PYHIN1: variants seen among roughly 807,000 people sequenced by gnomAD.
PYHIN1 encodes pyrin and HIN domain family member 1, also known as pyrin and HIN domain-containing protein 1.
In PYHIN1, 32 loss-of-function variants were observed where a neutral mutation model predicts 43.7. That is an observed-to-expected ratio of 0.73 (90% CI 0.55 to 0.98). PYHIN1 has a LOEUF of 0.98. PYHIN1 is among the 50% of genes least tolerant of loss of function. The pLI is 0.00. For synonymous variants in PYHIN1, 205 were observed against 203.1 expected, an observed-to-expected ratio of 1.01 and a Z score of -0.08; for missense variants, 588 against 589.5, an observed-to-expected ratio of 1.00 and a Z score of 0.03.
At chr1:158,934,652 C>T (rs1273987433) in intron 1 of PYHIN1, among the ~76,000 whole-genome samples, 1 of 152,144 alleles carries the variant, frequency 6.6e-6, no homozygotes, top group African/African-American at 2.4e-5. Context: ...TTAACAGCCC[C>T]AGGAATTTAA....
At chr1:158,944,726 T>C in intron 6 of PYHIN1, 149 bp from the exon 7 acceptor site, 1 of 486,748 alleles carries the variant, frequency 2.1e-6, no homozygotes, top group Non-Finnish European at 3.4e-6. Flanking sequence ...ATATTGGCAG[T>C]TGCCTGGAGG....
At chr1:158,945,285 C>T in intron 7 of PYHIN1, 1 of 320,098 alleles carries the variant, frequency 3.1e-6, no homozygotes, top group East Asian at 5.0e-5. Context: ...TTGTCTTGCT[C>T]CACCTATGGG....
chr1:158,982,045 T>G (rs1177794904), downstream of PYHIN1, among the ~76,000 whole-genome samples: 4 of 152,208 alleles, frequency 2.6e-5, no homozygotes, highest in Non-Finnish European at 4.4e-5. Context: ...TAGACCTTTC[T>G]CAGAAATCAT....
chr1:158,990,150 C>G, the PYHIN1 span, among the ~76,000 whole-genome samples: 1 of 149,368 alleles, frequency 6.7e-6, no homozygotes, highest in Admixed American at 6.6e-5. Flanking sequence ...CACGCTGAGA[C>G]AGAAGAGGAT....
downstream of PYHIN1, among the ~76,000 whole-genome samples, chr1:158,981,340 A>T (rs1365106345): frequency 6.6e-6 from 1 of 152,140 alleles, no homozygotes; most frequent in East Asian, 1.9e-4. Context: ...TTGTGGTGGC[A>T]GGCACCTGTA....
At chr1:158,940,969 G>A (rs1393447271) in intron 4 of PYHIN1, among the ~76,000 whole-genome samples, 1 of 152,144 alleles carries the variant, frequency 6.6e-6, no homozygotes, top group Non-Finnish European at 1.5e-5. Context: ...GTGGCTCCTT[G>A]TGATGTTGCA....
intron 4 of PYHIN1, 111 bp from the exon 5 acceptor site, chr1:158,941,866 C>A: frequency 1.0e-6 from 1 of 963,728 alleles, no homozygotes; most frequent in Non-Finnish European, 1.5e-6. Context: ...CCCAGCTCTA[C>A]ACATCTACAA....
the PYHIN1 span, among the ~76,000 whole-genome samples, chr1:158,983,160 C>A: frequency 1.3e-5 from 2 of 151,888 alleles, no homozygotes; most frequent in African/African-American, 2.4e-5. Flanking sequence ...ACTGCTCTGG[C>A]TAGAACTTCC....
rs1648323182 is a variant in PYHIN1, at chr1:158,933,834, C to G, written c.-21+2058C>G. 6.6e-6 allele frequency among the ~76,000 whole-genome samples: 1 copy of G among 151,960 alleles called. No homozygotes were observed. Among genetic ancestry groups the G allele is most frequent in the African/African-American group, 2.4e-5 (1 of 41,394 alleles). On this transcript the variant is annotated intron_variant, in intron 1 of 8. Transcript: ENST00000368140. This position sits in a 1 kb window ranked among gnomAD's most constrained non-coding sequence, Gnocchi z 6.3. Reference sequence around the variant, plus strand: ...TTTGATCAGGGCTTTCTTTTTAAGTCATAGGCACACATAATCAAGTTCGTT... The same window carrying G: ...TTTGATCAGGGCTTTCTTTTTAAGTGATAGGCACACATAATCAAGTTCGTT...
the PYHIN1 span, among the ~76,000 whole-genome samples, chr1:158,986,844 C>A: frequency 6.6e-6 from 1 of 152,186 alleles, no homozygotes; most frequent in African/African-American, 2.4e-5. Flanking sequence ...TCTCTTGGCA[C>A]TTTTAGCCAG....
chr1:158,953,151 G>A (rs969585210), intron 7 of PYHIN1, among the ~76,000 whole-genome samples: 4 of 151,828 alleles, frequency 2.6e-5, no homozygotes, highest in African/African-American at 9.7e-5. Context: ...AGATCAAACT[G>A]CAAGGCAGCA....
the PYHIN1 span, among the ~76,000 whole-genome samples, chr1:158,986,140 C>T: frequency 3.9e-4 from 60 of 152,192 alleles, no homozygotes; most frequent in East Asian, 0.011. Context: ...CTAGACTTTG[C>T]TGGGTAGGTA....
At chr1:158,949,459 G>A (rs866728077) in intron 7 of PYHIN1, among the ~76,000 whole-genome samples, 11 of 151,990 alleles carry the variant, frequency 7.2e-5, no homozygotes, top group African/African-American at 1.7e-4. Context: ...GTATACATGC[G>A]CCATGCTGGT....
At chr1:158,958,079 T>G (rs1257208262) in intron 7 of PYHIN1, among the ~76,000 whole-genome samples, 1 of 152,178 alleles carries the variant, frequency 6.6e-6, no homozygotes, top group African/African-American at 2.4e-5. Flanking sequence ...CCAGTTAGAA[T>G]GGCAATCATC....
intron 7 of PYHIN1, among the ~76,000 whole-genome samples, chr1:158,951,791 A>C (rs1649544642): frequency 6.6e-6 from 1 of 152,116 alleles, no homozygotes; most frequent in South Asian, 2.1e-4. Flanking sequence ...GTTTGCTCTT[A>C]ATTGCTCCTT....
chr1:158,988,674 C>A, the PYHIN1 span, among the ~76,000 whole-genome samples: 1 of 152,104 alleles, frequency 6.6e-6, no homozygotes, highest in African/African-American at 2.4e-5. Context: ...AACTTGGATA[C>A]TTAGCTGAGG....
At chr1:158,966,274 C>A (rs1245231405) in intron 7 of PYHIN1, among the ~76,000 whole-genome samples, 1 of 152,102 alleles carries the variant, frequency 6.6e-6, no homozygotes, top group African/African-American at 2.4e-5. Context: ...CAGATGGATT[C>A]ACAGCCAAAT....
chr1:158,970,078 C>T (rs142424901), intron 7 of PYHIN1, among the ~76,000 whole-genome samples: 34 of 151,664 alleles, frequency 2.2e-4, no homozygotes, highest in Non-Finnish European at 4.4e-4. Context: ...ATCTAAACCC[C>T]GAAGAAGACA....
At chr1:158,989,445 G>A in the PYHIN1 span, among the ~76,000 whole-genome samples, 15 of 152,220 alleles carry the variant, frequency 9.9e-5, no homozygotes, top group East Asian at 3.9e-4. Context: ...TTTGGAAATA[G>A]GTTCATTACT....
Sources: allele counts gnomAD v4.1 joint callset (sites outside exome capture counted in the v4.1 genomes callset), GRCh38; gene constraint gnomAD v4.1.1; non-coding constraint Gnocchi (gnomAD v3.1); transcripts MANE v1.5; gene names NCBI Gene and HGNC (gene_info 2026-07-23, HGNC 2026-07-21).